Variants in TTC39A observed in about 807,000 individuals in gnomAD.
TTC39A encodes tetratricopeptide repeat protein 39A.
TTC39A carries 46 observed loss-of-function variants against 82.3 expected under a neutral mutation model. That is an observed-to-expected ratio of 0.56 (90% CI 0.44 to 0.71). TTC39A has a LOEUF of 0.71. Ranked by LOEUF, TTC39A falls within the 30% of genes least tolerant of loss-of-function variation. The pLI, the probability that TTC39A is intolerant of heterozygous loss-of-function variation, is 0.00. For missense variants in TTC39A, 543 were observed against 712.9 expected (o/e 0.76, Z 2.71); for synonymous variants, 254 against 275.2 (o/e 0.92, Z 0.76).
At chr1:51,299,868 T>G (rs1202583723) in intron 12 of TTC39A, 2 of 152,264 alleles carry the variant, frequency 1.3e-5, no homozygotes, top group Admixed American at 1.3e-4. Context: ...GTGGGAAGAT[T>G]GCTTGGGCCC....
At chr1:51,331,294 A>G (rs190241508), upstream of TTC39A, 168 of 1,543,718 alleles carry the variant, frequency 1.1e-4, no homozygotes, top group East Asian at 4.0e-3. Context: ...CCAAATGTCC[A>G]CTGTGCACCG....
intron 12 of TTC39A, chr1:51,297,407 C>G (rs1433687401): frequency 6.6e-6 from 1 of 152,182 alleles, no homozygotes; most frequent in African/African-American, 2.4e-5. Context: ...TTAGTAGAGA[C>G]GGGGTTTCAC....
At chr1:51,319,776 C>T (rs939291854) in intron 2 of TTC39A, among the ~76,000 whole-genome samples, 8 of 151,764 alleles carry the variant, frequency 5.3e-5, no homozygotes, top group African/African-American at 1.9e-4. Flanking sequence ...CTGCAACCTC[C>T]ACCTCCTGGG....
In TTC39A at chr1:51,294,087, G is replaced by A. The variant is rs928438923; in HGVS notation, c.1266+304C>T. Among the ~76,000 whole-genome samples, 2 of 152,232 alleles carry A rather than the reference G, an allele frequency of 1.3e-5. No homozygotes were observed. Among genetic ancestry groups the A allele is most frequent in the Non-Finnish European group, 2.9e-5 (2 of 68,044 alleles). ...ATTGTGACAAGACTGGAGCAGACAGGCTGGGATCACTGGCAGCCGGGTGAT... is the reference window on the plus strand; with the variant it reads ...ATTGTGACAAGACTGGAGCAGACAGACTGGGATCACTGGCAGCCGGGTGAT... On this transcript the variant is annotated intron_variant, in intron 14 of 17. Coordinates refer to ENST00000680483, the MANE Select transcript of TTC39A (RefSeq NM_001297663.2). This position sits in a 1 kb window ranked among gnomAD's most constrained non-coding sequence, Gnocchi z 4.3.
At chr1:51,311,047 C>A (rs1645063369) in intron 5 of TTC39A, among the ~76,000 whole-genome samples, 1 of 152,178 alleles carries the variant, frequency 6.6e-6, no homozygotes, top group Non-Finnish European at 1.5e-5. Context: ...AGCGTGTGTA[C>A]TCAGGATGTG....
At chr1:51,328,965 G>T (rs1645811223) in intron 1 of TTC39A, among the ~76,000 whole-genome samples, 1 of 152,192 alleles carries the variant, frequency 6.6e-6, no homozygotes, top group African/African-American at 2.4e-5. Flanking sequence ...ACACTAGCCA[G>T]GGTTGGGGAC....
Position 51,288,777 on chromosome 1 carries a change from A to G in TTC39A, c.1610+62T>C. ...CTGCTCTCTGGGCAACTCTGTCCCC[A>G]GCCAGCTCCTGAGCTGAGTTCAGAG... On this transcript the variant is annotated intron_variant, in intron 17 of 17. Coordinates refer to ENST00000680483, the MANE Select transcript of TTC39A (RefSeq NM_001297663.2). This position sits in a 1 kb window ranked among gnomAD's most constrained non-coding sequence, Gnocchi z 4.8. The G allele has an allele frequency of 6.7e-7, 1 of 1,496,422 alleles. No homozygotes were observed. Among genetic ancestry groups the G allele is most frequent in the Non-Finnish European group, 9.1e-7 (1 of 1,098,342 alleles). The allele number at this position is 1,496,422 out of a possible 1,614,324, so 92.7% of individuals were successfully genotyped here.
chr1:51,304,556 C>T (rs1644800183), intron 8 of TTC39A, among the ~76,000 whole-genome samples: 3 of 152,194 alleles, frequency 2.0e-5, no homozygotes, highest in Non-Finnish European at 4.4e-5. Context: ...CCAGAAAGCC[C>T]TCCCTGATCT....
chr1:51,339,095 G>C (rs1164598742), intron 1 of TTC39A, among the ~76,000 whole-genome samples: 1 of 152,220 alleles, frequency 6.6e-6, no homozygotes, highest in African/African-American at 2.4e-5. Flanking sequence ...CGGCTGCAGT[G>C]CTTCTTCTTG....
At chr1:51,315,194 G>C (rs1282096933) in intron 2 of TTC39A, among the ~76,000 whole-genome samples, 1 of 152,206 alleles carries the variant, frequency 6.6e-6, no homozygotes, top group Admixed American at 6.5e-5. Flanking sequence ...TGGCAGAAAT[G>C]TGGAATTTCT....
intron 12 of TTC39A, 31 bp downstream of exon 12, chr1:51,301,541 C>T (rs1306423219): frequency 1.3e-6 from 2 of 1,567,424 alleles, no homozygotes; most frequent in Non-Finnish European, 1.7e-6. Flanking sequence ...CCCTGGTCAC[C>T]CAATGCCCCT....
Position 51,342,757 on chromosome 1 carries a change from G to T in TTC39A, c.53+2234C>A, listed in dbSNP as rs189803752. Among the ~76,000 whole-genome samples, 262 of 152,334 alleles carry T rather than the reference G, an allele frequency of 1.7e-3. 1 individual carries two copies. Among genetic ancestry groups the T allele is most frequent in the African/African-American group, 5.9e-3 (244 of 41,576 alleles). ...TTCCAGCTGAAGCACAAAGGCGCAT[G>T]TGTGCAGGCTCACAATGCACTTCCT... On this transcript the variant is annotated intron_variant, in intron 1 of 5. Transcript: ENST00000401051.
chr1:51,301,826 C>A lies in TTC39A; in HGVS notation c.892-93G>T, dbSNP rs1644670726. On this transcript the variant is annotated intron_variant, in intron 11 of 17. Coordinates refer to ENST00000680483, the MANE Select transcript of TTC39A (RefSeq NM_001297663.2). Reference sequence around the variant, plus strand: ...CTCCCAACACCACAGCAGACCGGGACTCCTCCAGGGCATAGTGGTCCAGCC... The same window carrying A: ...CTCCCAACACCACAGCAGACCGGGAATCCTCCAGGGCATAGTGGTCCAGCC... The A allele has an allele frequency of 5.3e-6, 8 of 1,520,752 alleles. No homozygotes were observed. The Middle Eastern group carries it at 7.0e-4, about 133-fold the overall frequency. 94.2% of individuals were successfully genotyped at this position (1,520,752 alleles called of 1,614,324 possible). A position where few individuals can be genotyped will look rare whatever the true frequency, so the allele number is the denominator to read the frequency against.
intron 1 of TTC39A, chr1:51,325,972 TGG>T (rs1471283712): frequency 6.6e-6 from 1 of 152,424 alleles, no homozygotes; most frequent in Admixed American, 6.5e-5. Context: ...TCCCCCAGAC[TGG>T]GGGCGAGCTG....
chr1:51,314,365 T>TA (rs1645204043), intron 2 of TTC39A, among the ~76,000 whole-genome samples: 1 of 152,182 alleles, frequency 6.6e-6, no homozygotes, highest in Non-Finnish European at 1.5e-5. Context: ...AGAGCGCCTT[T>TA]ACTCCCTTCC....
intron 6 of TTC39A, 51 bp downstream of exon 6, chr1:51,309,210 A>G: frequency 6.4e-7 from 1 of 1,559,250 alleles, no homozygotes; most frequent in African/African-American, 1.4e-5. Context: ...ACAGCCTAGC[A>G]GATGCTGTGG....
At chr1:51,339,547 C>T (rs1255702914) in intron 1 of TTC39A, among the ~76,000 whole-genome samples, 1 of 152,172 alleles carries the variant, frequency 6.6e-6, no homozygotes, top group East Asian at 1.9e-4. Flanking sequence ...CAGGAAGGCT[C>T]CTTCCAGGAT....
Position 51,311,122 on chromosome 1 carries a change from C to T in TTC39A, c.423+132G>A, listed in dbSNP as rs991481987. 18 of 845,424 alleles carry T rather than the reference C, an allele frequency of 2.1e-5. No homozygotes were observed. The Middle Eastern group carries it at 1.4e-3, about 65-fold the overall frequency. The allele number at this position is 845,424 out of a possible 1,614,324, so 52.4% of individuals were successfully genotyped here. On this transcript the variant is annotated intron_variant, in intron 5 of 17. Transcript: ENST00000680483. ...GGGCAGGAGTGTGAAGGATGGGACA[C>T]GATTGCTACAGGGGATGAGTCGTGG...
intron 1 of TTC39A, among the ~76,000 whole-genome samples, chr1:51,344,530 G>A (rs1335457183): frequency 6.6e-6 from 1 of 152,160 alleles, no homozygotes; most frequent in Non-Finnish European, 1.5e-5. Context: ...TCCCCCACCT[G>A]CTCCTCGGAT....
Sources: allele counts gnomAD v4.1 joint callset (sites outside exome capture counted in the v4.1 genomes callset), GRCh38; gene constraint gnomAD v4.1.1; non-coding constraint Gnocchi (gnomAD v3.1); transcripts MANE v1.5; gene names NCBI Gene and HGNC (gene_info 2026-07-23, HGNC 2026-07-21).